Variants in ARHGAP31 observed in about 807,000 individuals in gnomAD.
ARHGAP31 encodes rho GTPase-activating protein 31.
ARHGAP31 carries 34 observed loss-of-function variants against 113.9 expected under a neutral mutation model. The observed-to-expected ratio is 0.30, with a 90% CI of 0.23 to 0.40. The LOEUF is 0.40. Ranked by LOEUF, ARHGAP31 falls within the 10% of genes least tolerant of loss-of-function variation. The pLI, the probability that ARHGAP31 is intolerant of heterozygous loss-of-function variation, is 1.00. For synonymous variants in ARHGAP31, 650 were observed against 684.8 expected, an observed-to-expected ratio of 0.95 and a Z score of 0.79; for missense variants, 1,548 against 1,767.1, an observed-to-expected ratio of 0.88 and a Z score of 2.22.
At chr3:119,355,291 G>C (rs754299955) in intron 1 of ARHGAP31, among the ~76,000 whole-genome samples, 33 of 152,094 alleles carry the variant, frequency 2.2e-4, no homozygotes, top group Non-Finnish European at 4.6e-4. Flanking sequence ...GTTGTCTACA[G>C]TTATAGAATG....
chr3:119,295,343 A>G (rs2079523639), intron 1 of ARHGAP31, among the ~76,000 whole-genome samples: 1 of 151,642 alleles, frequency 6.6e-6, no homozygotes, highest in South Asian at 2.1e-4. Context: ...GTTGGAAGGG[A>G]GGGAGGAGGG....
intron 1 of ARHGAP31, among the ~76,000 whole-genome samples, chr3:119,325,907 A>G (rs1359333797): frequency 6.6e-6 from 1 of 152,194 alleles, no homozygotes; most frequent in African/African-American, 2.4e-5. Context: ...AAAGCTTCCC[A>G]GGGCTGGGCA....
intron 1 of ARHGAP31, among the ~76,000 whole-genome samples, chr3:119,321,304 A>G (rs1305129621): frequency 2.0e-5 from 3 of 147,276 alleles, no homozygotes; most frequent in African/African-American, 4.9e-5. Context: ...TAGTATATAT[A>G]TATGTATTAT....
chr3:119,414,725 G>A lies in ARHGAP31; in HGVS notation c.2796G>A (p.Gln932=). The A allele has an allele frequency of 6.2e-7, 1 of 1,614,226 alleles. No individual in the cohort carries two copies. The highest frequency in any genetic ancestry group is 8.5e-7 in the Non-Finnish European group (1 of 1,180,024). ...TLKDAHKAQV[Q]GLQGHQLEKR... is the part of the protein sequence containing the mutation. ...AAGACGCGCACAAGGCCCAGGTACA[G>A]GGCCTTCAGGGTCACCAGTTGGAGA... Residue 932 remains glutamine, a synonymous_variant, in exon 12 of 12, where the codon CAG becomes CAA. Transcript: ENST00000264245.
Position 119,294,749 on chromosome 3 carries a change from T to G in ARHGAP31, c.-156T>G. 1.4e-6 allele frequency: 1 copy of G among 710,706 alleles called. No individual in the cohort carries two copies. Among genetic ancestry groups the G allele is most frequent in the Non-Finnish European group, 2.5e-6 (1 of 406,908 alleles). 44.0% of individuals were successfully genotyped at this position (710,706 alleles called of 1,614,324 possible). On this transcript the variant is annotated 5_prime_UTR_variant, in exon 1 of 12. Coordinates refer to ENST00000264245, the MANE Select transcript of ARHGAP31 (RefSeq NM_020754.4). ...CTCTGCCGGCCCGCGGCCCGCGGGG[T>G]CCATGCGCAGGGCCCCCAGCCCAAG...
chr3:119,400,723 A>C (rs546071664), intron 9 of ARHGAP31, among the ~76,000 whole-genome samples: 3 of 152,352 alleles, frequency 2.0e-5, no homozygotes, highest in South Asian at 2.1e-4. Flanking sequence ...CAGGGTGGTC[A>C]TAAGAATTTT....
intron 8 of ARHGAP31, among the ~76,000 whole-genome samples, chr3:119,397,991 T>A (rs1049261717): frequency 6.6e-5 from 10 of 152,338 alleles, no homozygotes; most frequent in African/African-American, 2.4e-4. Flanking sequence ...ATTTTACACA[T>A]GATAAAACTG....
At chr3:119,310,527 G>A (rs2079670194) in intron 1 of ARHGAP31, among the ~76,000 whole-genome samples, 2 of 152,212 alleles carry the variant, frequency 1.3e-5, no homozygotes, top group Non-Finnish European at 2.9e-5. Flanking sequence ...CCTGAGCTCT[G>A]CTTCCTGTCA....
At chr3:119,329,969 A>C in intron 1 of ARHGAP31, 1 of 985,478 alleles carries the variant, frequency 1.0e-6, no homozygotes, top group Non-Finnish European at 1.2e-6. Context: ...GAAGAGAATG[A>C]GTCTGTGTCT....
chr3:119,376,570 C>A (rs1001234639), intron 3 of ARHGAP31, among the ~76,000 whole-genome samples: 1 of 152,082 alleles, frequency 6.6e-6, no homozygotes, highest in South Asian at 2.1e-4. Flanking sequence ...TTCTTGGCAC[C>A]CTGTTTTCCC....
chr3:119,313,797 G>A (rs1389954714), intron 1 of ARHGAP31, among the ~76,000 whole-genome samples: 1 of 152,222 alleles, frequency 6.6e-6, no homozygotes, highest in African/African-American at 2.4e-5. Flanking sequence ...AATGGAGGTG[G>A]CAGCCTAAAC....
At chr3:119,380,164 C>G (rs2080383756) in intron 3 of ARHGAP31, among the ~76,000 whole-genome samples, 1 of 152,166 alleles carries the variant, frequency 6.6e-6, no homozygotes, top group South Asian at 2.1e-4. Context: ...GCAAGGCCAC[C>G]AGGTTTCAGG....
intron 1 of ARHGAP31, among the ~76,000 whole-genome samples, chr3:119,323,168 G>C (rs970415997): frequency 6.6e-6 from 1 of 152,126 alleles, no homozygotes; most frequent in Non-Finnish European, 1.5e-5. Context: ...ACGCTGCGGC[G>C]ACAGGAAAGC....
chr3:119,312,320 G>A (rs2079689700), intron 1 of ARHGAP31, among the ~76,000 whole-genome samples: 1 of 152,112 alleles, frequency 6.6e-6, no homozygotes, highest in South Asian at 2.1e-4. Context: ...TATAATTTTG[G>A]GAAATTTCAT....
intron 1 of ARHGAP31, among the ~76,000 whole-genome samples, chr3:119,326,360 G>A (rs1361701450): frequency 6.6e-6 from 1 of 152,004 alleles, no homozygotes; most frequent in Non-Finnish European, 1.5e-5. Context: ...AGAATGTGTC[G>A]TGCTACTGTA....
intron 1 of ARHGAP31, among the ~76,000 whole-genome samples, chr3:119,359,210 G>C (rs1469969870): frequency 2.0e-5 from 3 of 151,870 alleles, no homozygotes; most frequent in African/African-American, 7.3e-5. Context: ...TAGAGACGAG[G>C]TTTCACTGTA....
chr3:119,313,579 C>T (rs115344098), intron 1 of ARHGAP31, among the ~76,000 whole-genome samples: 12 of 152,288 alleles, frequency 7.9e-5, no homozygotes, highest in Middle Eastern at 6.8e-3. Flanking sequence ...TTCCAGTATT[C>T]GTGAGGGATT....
chr3:119,416,890 C>A lies in ARHGAP31; in HGVS notation c.*626C>A. Reference sequence around the variant, plus strand: ...TCCCTGGAATCCCTGGAGACCTGTCCAAGATGATTTCCATATACCAGCATA... The same window carrying A: ...TCCCTGGAATCCCTGGAGACCTGTCAAAGATGATTTCCATATACCAGCATA... On this transcript the variant is annotated 3_prime_UTR_variant, in exon 12 of 12. Transcript: ENST00000264245. The A allele has an allele frequency of 6.2e-6, 1 of 160,234 alleles. No individual in the cohort carries two copies. The highest frequency in any genetic ancestry group is 1.7e-4 in the South Asian group (1 of 5,726). 9.9% of individuals were successfully genotyped at this position (160,234 alleles called of 1,614,324 possible). A position where few individuals can be genotyped will look rare whatever the true frequency, so the allele number is the denominator to read the frequency against.
At chr3:119,386,666 C>T (rs1380082302) in intron 6 of ARHGAP31, among the ~76,000 whole-genome samples, 3 of 152,180 alleles carry the variant, frequency 2.0e-5, no homozygotes, top group Non-Finnish European at 4.4e-5. Context: ...CCACTACCAC[C>T]AATGTGCGGA....
Sources: gnomAD v4.1 joint callset for allele counts (sites outside exome capture counted in the v4.1 genomes callset) on GRCh38, gnomAD v4.1.1 for gene constraint, MANE v1.5 for transcripts, NCBI Gene and HGNC (gene_info 2026-07-23, HGNC 2026-07-21) for gene names.